Variants in CLRN3 observed in about 807,000 individuals in gnomAD.
The protein encoded by CLRN3 is clarin 3.
CLRN3 carries 12 observed loss-of-function variants against 16.7 expected under a neutral mutation model. The observed-to-expected ratio is 0.72, with a 90% CI of 0.46 to 1.16. CLRN3 has a LOEUF of 1.16. Among genes scored for constraint, CLRN3 ranks in the 50% most tolerant of loss-of-function variants. The pLI is 0.00. For missense variants in CLRN3, 296 were observed against 274.2 expected (o/e 1.08, Z -0.56); for synonymous variants, 118 against 113.0 (o/e 1.04, Z -0.28).
intron 2 of CLRN3, among the ~76,000 whole-genome samples, chr10:127,882,029 G>A (rs996440097): frequency 1.3e-5 from 2 of 152,174 alleles, no homozygotes; most frequent in African/African-American, 4.8e-5. Flanking sequence ...GGTTTACCTT[G>A]GTTTGATTGA....
chr10:127,879,345 C>A (rs760084890), intron 2 of CLRN3, among the ~76,000 whole-genome samples: 3 of 152,148 alleles, frequency 2.0e-5, no homozygotes, highest in Non-Finnish European at 4.4e-5. Flanking sequence ...AAGTGATCCA[C>A]CTGCCTCGGC....
intron 1 of CLRN3, among the ~76,000 whole-genome samples, chr10:127,888,608 G>C (rs1845223158): frequency 6.6e-6 from 1 of 152,182 alleles, no homozygotes; most frequent in Non-Finnish European, 1.5e-5. Context: ...ATGGAGGTTA[G>C]TGGAGGAAAG....
Position 127,878,278 on chromosome 10 carries a change from T to C in CLRN3, c.552A>G (p.Ile184Met). 6.2e-7 allele frequency: 1 copy of C among 1,614,198 alleles called. No individual in the cohort carries two copies. The highest frequency in any genetic ancestry group is 1.3e-5 in the African/African-American group (1 of 75,046). Residue 184 changes from isoleucine to methionine, a missense_variant, in exon 3 of 3, where the codon ATA becomes ATG. By Grantham distance (10) the Ile-to-Met change is conservative. Transcript: ENST00000368671. ...THSYGYSFWLILLVILLNIVT... is the reference protein window; with the variant it reads ...THSYGYSFWLMLLVILLNIVT... ...CTATATTTAGAAGAATGACGAGCAG[T>C]ATGAGCCAGAACGAGTATCCGTAAC...
intron 1 of CLRN3, among the ~76,000 whole-genome samples, chr10:127,886,236 C>A (rs75703084): frequency 6.6e-6 from 1 of 152,150 alleles, no homozygotes; most frequent in African/African-American, 2.4e-5. Context: ...GACAGGAGGA[C>A]GTCATCACTC....
intron 2 of CLRN3, among the ~76,000 whole-genome samples, chr10:127,878,717 G>A (rs943417658): frequency 1.3e-5 from 2 of 152,248 alleles, no homozygotes; most frequent in Non-Finnish European, 2.9e-5. Context: ...GGTGAATGCA[G>A]TAGTGTGCTG....
chr10:127,883,480 C>T (rs1256728575), intron 2 of CLRN3, among the ~76,000 whole-genome samples: 1 of 152,230 alleles, frequency 6.6e-6, no homozygotes, highest in Non-Finnish European at 1.5e-5. Flanking sequence ...TAAGCCTCCT[C>T]AGCAGTGCAT....
intron 2 of CLRN3, among the ~76,000 whole-genome samples, chr10:127,882,899 G>T (rs536404808): frequency 6.6e-6 from 1 of 152,150 alleles, no homozygotes; most frequent in Non-Finnish European, 1.5e-5. Flanking sequence ...GGAGCAAAAG[G>T]CCCTGAAGGC....
At position 127,878,403 on chromosome 10, in the gene CLRN3, T is replaced by C. The variant is rs1410650836; in HGVS notation, c.427A>G (p.Thr143Ala). 6.2e-7 allele frequency: 1 copy of C among 1,613,686 alleles called. No individual in the cohort carries two copies. The highest frequency in any genetic ancestry group is 8.5e-7 in the Non-Finnish European group (1 of 1,179,606). The change falls in exon 3 of 3, where the codon ACC (threonine) becomes GCC (alanine). Residue 143 changes from threonine to alanine, a missense_variant. Coordinates refer to ENST00000368671, the MANE Select transcript of CLRN3 (RefSeq NM_152311.5). ...NGLGASFVFV[T>A]MILFVANTQS... Reference sequence around the variant, plus strand: ...GTGTTCGCCACAAACAGTATCATGGTCACAAAAACGAAGGATGCTGAAAGG... The same window carrying C: ...GTGTTCGCCACAAACAGTATCATGGCCACAAAAACGAAGGATGCTGAAAGG...
intron 2 of CLRN3, among the ~76,000 whole-genome samples, chr10:127,882,956 A>C (rs1325123290): frequency 6.6e-6 from 1 of 152,210 alleles, no homozygotes; most frequent in African/African-American, 2.4e-5. Context: ...CTCTGGGCAG[A>C]TGGGCAGCTG....
At chr10:127,881,593 C>G (rs1437979662) in intron 2 of CLRN3, among the ~76,000 whole-genome samples, 1 of 152,212 alleles carries the variant, frequency 6.6e-6, no homozygotes, top group Non-Finnish European at 1.5e-5. Context: ...GATTCCAGCC[C>G]CAGCTCCAGG....
Position 127,883,756 on chromosome 10 carries a change from T to C in CLRN3, c.349A>G (p.Ser117Gly). 2 of 1,613,936 alleles carry C rather than the reference T, an allele frequency of 1.2e-6. No homozygotes were observed. Among genetic ancestry groups the C allele is most frequent in the Non-Finnish European group, 1.7e-6 (2 of 1,179,854 alleles). Residue 117 changes from serine (S) to glycine (G), a missense_variant, in exon 2 of 3, where the codon AGC (serine) becomes GGC (glycine). Physicochemically the swap from Ser to Gly is moderately conservative, Grantham distance 56. Transcript: ENST00000368671. ...CCCAGGAATGTCTGGTAAGGGTTGC[T>C]GATGCTGTTGTAGAAGGTAAACCCA... Reference protein sequence around the residue: ...SSGFTFYNSISNPYQTFLGPT... With the variant: ...SSGFTFYNSIGNPYQTFLGPT...
Position 127,892,824 on chromosome 10 carries a change from T to G in CLRN3, c.-40A>C. On this transcript the variant is annotated 5_prime_UTR_variant, in exon 1 of 3. Coordinates refer to ENST00000368671, the MANE Select transcript of CLRN3 (RefSeq NM_152311.5). ...AAGTTCTCTAGGACAAAAAAAGGAA[T>G]ATCTTCTTATAACACTTTTGAACCT... 1 of 1,164,954 alleles carries G rather than the reference T, an allele frequency of 8.6e-7. No homozygotes were observed. The highest frequency in any genetic ancestry group is 1.3e-6 in the Non-Finnish European group (1 of 782,772). The allele number at this position is 1,164,954 out of a possible 1,614,324, so 72.2% of individuals were successfully genotyped here.
intron 2 of CLRN3, among the ~76,000 whole-genome samples, chr10:127,882,851 G>A (rs868519980): frequency 1.3e-5 from 2 of 152,204 alleles, no homozygotes; most frequent in Non-Finnish European, 2.9e-5. Flanking sequence ...TTTTGATGGT[G>A]GAGAGGGAAA....
chr10:127,884,550 G>A (rs918865998), intron 1 of CLRN3, among the ~76,000 whole-genome samples: 21 of 152,318 alleles, frequency 1.4e-4, no homozygotes, highest in Middle Eastern at 3.4e-3. Flanking sequence ...CTGGGAATTC[G>A]CCCATGAGTG....
intron 1 of CLRN3, among the ~76,000 whole-genome samples, chr10:127,885,037 G>T (rs1290548998): frequency 6.6e-6 from 1 of 152,194 alleles, no homozygotes; most frequent in Non-Finnish European, 1.5e-5. Flanking sequence ...GGTTTCTCTG[G>T]TCTCCAGGGA....
Position 127,878,166 on chromosome 10 carries a change from C to T in CLRN3, c.664G>A (p.Asp222Asn). 6.2e-7 allele frequency: 1 copy of T among 1,612,586 alleles called. No individual in the cohort carries two copies. Among genetic ancestry groups the T allele is most frequent in the Non-Finnish European group, 8.5e-7 (1 of 1,178,616 alleles). Reference protein sequence around the residue: ...QRKPMEYAPRDGILF With the variant: ...QRKPMEYAPRNGILF ...AAGAGAATTCAGAATAAAATTCCGTCCCTTGGAGCATATTCCATTGGCTTT... is the reference window on the plus strand; with the variant it reads ...AAGAGAATTCAGAATAAAATTCCGTTCCTTGGAGCATATTCCATTGGCTTT... The change falls in exon 3 of 3, where the codon GAC (aspartate) becomes AAC (asparagine). Residue 222 changes from aspartate to asparagine, a missense_variant. Transcript: ENST00000368671.
chr10:127,889,026 G>A (rs1002075431), intron 1 of CLRN3, among the ~76,000 whole-genome samples: 3 of 152,226 alleles, frequency 2.0e-5, no homozygotes, highest in Admixed American at 6.5e-5. Context: ...TGTAGGCAAC[G>A]TGATTGCTCA....
Position 127,883,891 on chromosome 10 carries a change from G to C in CLRN3, c.230-16C>G. ...ATCTCTAAAACTAAAACAATGTTTTGTGAGTGCATAGCACATAATGCAAAC... is the reference window on the plus strand; with the variant it reads ...ATCTCTAAAACTAAAACAATGTTTTCTGAGTGCATAGCACATAATGCAAAC... On this transcript the variant is annotated splice_polypyrimidine_tract_variant and intron_variant, in intron 1 of 2. Coordinates refer to ENST00000368671, the MANE Select transcript of CLRN3 (RefSeq NM_152311.5). The C allele has an allele frequency of 6.2e-7, 1 of 1,612,264 alleles. No homozygotes were observed. The highest frequency in any genetic ancestry group is 8.5e-7 in the Non-Finnish European group (1 of 1,178,346).
Position 127,878,256 on chromosome 10 carries a change from T to A in CLRN3, c.574A>T (p.Ile192Leu). ...AAAATGATGATGGTTACAGTGACTA[T>A]ATTTAGAAGAATGACGAGCAGTATG... ...WLILLVILLN[I>L]VTVTIIIFYQ... The change falls in exon 3 of 3, where the codon ATA becomes TTA. Residue 192 changes from isoleucine (I) to leucine (L), a missense_variant. Coordinates refer to ENST00000368671, the MANE Select transcript of CLRN3 (RefSeq NM_152311.5). The A allele has an allele frequency of 6.2e-7, 1 of 1,614,212 alleles. No homozygotes were observed.
Sources: gnomAD v4.1 joint callset for allele counts (sites outside exome capture counted in the v4.1 genomes callset) on GRCh38, gnomAD v4.1.1 for gene constraint, MANE v1.5 for transcripts, NCBI Gene and HGNC (gene_info 2026-07-23, HGNC 2026-07-21) for gene names.